Variants in PHKA2 observed in about 807,000 individuals in gnomAD.
PHKA2 encodes phosphorylase b kinase regulatory subunit alpha, liver isoform.
In PHKA2, 31 loss-of-function variants were observed where a neutral mutation model predicts 102.0. That is an observed-to-expected ratio of 0.30 (90% CI 0.23 to 0.41). The LOEUF is 0.41. Among genes scored for constraint, PHKA2 ranks in the 10% least tolerant of loss-of-function variants. The probability of loss-of-function intolerance (pLI) is 1.00; values close to 1 mark genes in which losing one functional copy is unlikely to be tolerated. For missense variants in PHKA2, 858 were observed against 1,023.1 expected, an observed-to-expected ratio of 0.84 and a Z score of 2.20; for synonymous variants, 455 against 416.2, an observed-to-expected ratio of 1.09 and a Z score of -1.13.
At chrX:18,920,287 T>G in intron 17 of PHKA2, 86 bp from the exon 18 acceptor site, 1 of 563,336 alleles carries the variant, frequency 1.8e-6, no homozygotes, top group Non-Finnish European at 3.2e-6. Context: ...TGCACAACCA[T>G]GTGGTGCTTC....
At chrX:18,964,900 G>A (rs755526961) in intron 1 of PHKA2, among the ~76,000 whole-genome samples, 6 of 112,331 alleles carry the variant, frequency 5.3e-5, no homozygotes, top group African/African-American at 1.9e-4. Flanking sequence ...TCACAGGTGT[G>A]CAATTCTCAC....
In PHKA2 at chrX:18,904,013, G is replaced by A. The variant is rs774098749; in HGVS notation, c.2908+1745C>T. On this transcript the variant is annotated intron_variant, in intron 26 of 32. Coordinates refer to ENST00000379942, the MANE Select transcript of PHKA2 (RefSeq NM_000292.3). ...GCTGGAAGGCCAGGCCCAGCTCAAA[G>A]GTCACCTCCTCGGGCAGCATCCCCT... Among the ~76,000 whole-genome samples, 79 of 112,095 alleles carry A rather than the reference G, an allele frequency of 7.0e-4. 1 individual carries two copies. Among genetic ancestry groups the A allele is most frequent in the African/African-American group, 2.5e-3 (78 of 30,856 alleles).
intron 19 of PHKA2, among the ~76,000 whole-genome samples, chrX:18,913,558 T>C (rs1057488223): frequency 9.2e-6 from 1 of 109,170 alleles, no homozygotes; most frequent in Non-Finnish European, 1.9e-5. Context: ...GGTGTGTGCC[T>C]CCACGCCCAG....
At chrX:18,957,709 A>AT (rs1195818449) in intron 1 of PHKA2, among the ~76,000 whole-genome samples, 2 of 103,137 alleles carry the variant, frequency 1.9e-5, no homozygotes, top group Non-Finnish European at 3.9e-5. Flanking sequence ...TCATATATAC[A>AT]TTTTTTCCTA....
intron 1 of PHKA2, among the ~76,000 whole-genome samples, chrX:18,978,557 C>A (rs1003235245): frequency 9.1e-6 from 1 of 109,427 alleles, no homozygotes; most frequent in African/African-American, 3.3e-5. Flanking sequence ...ACTAAAAATA[C>A]AAAAAATTAG....
Position 18,895,134 on chromosome X carries a change from G to C in PHKA2, c.3336+4C>G, listed in dbSNP as rs931311426. The C allele has an allele frequency of 7.4e-6, 9 of 1,209,850 alleles. No homozygotes were observed. Among genetic ancestry groups the C allele is most frequent in the Non-Finnish European group, 1.0e-5 (9 of 893,817 alleles). ...GGCCCGCCTCTGCGTTTTTCTCATCGTACCTCTCGGGTCGTCGAGGATGGG... is the reference window on the plus strand; with the variant it reads ...GGCCCGCCTCTGCGTTTTTCTCATCCTACCTCTCGGGTCGTCGAGGATGGG... On this transcript the variant is annotated splice_donor_region_variant and intron_variant, in intron 31 of 32. Transcript: ENST00000379942.
At chrX:18,979,106 A>G (rs1323745078) in intron 1 of PHKA2, among the ~76,000 whole-genome samples, 3 of 112,047 alleles carry the variant, frequency 2.7e-5, no homozygotes, top group African/African-American at 9.7e-5. Flanking sequence ...ACCGCACTCC[A>G]ACCTGGGCAA....
intron 1 of PHKA2, among the ~76,000 whole-genome samples, chrX:18,968,443 T>C (rs181970179): frequency 9.3e-6 from 1 of 108,028 alleles, no homozygotes; most frequent in African/African-American, 3.6e-5. Flanking sequence ...CTATTTTAAG[T>C]CTTTTTGGAT....
At chrX:18,912,192 C>A (rs2047938344) in intron 19 of PHKA2, among the ~76,000 whole-genome samples, 1 of 112,069 alleles carries the variant, frequency 8.9e-6, no homozygotes, top group Non-Finnish European at 1.9e-5. Flanking sequence ...TAATTCCTTC[C>A]AACCCTCCAC....
intron 12 of PHKA2, among the ~76,000 whole-genome samples, chrX:18,929,738 C>T (rs1053418288): frequency 8.9e-6 from 1 of 111,885 alleles, no homozygotes; most frequent in Non-Finnish European, 1.9e-5. Context: ...TTTCCTCTGA[C>T]CTTCTCCTGC....
At chrX:18,927,014 G>A (rs1249698668) in intron 13 of PHKA2, among the ~76,000 whole-genome samples, 3 of 111,734 alleles carry the variant, frequency 2.7e-5, no homozygotes, top group Non-Finnish European at 5.6e-5. Flanking sequence ...CCCAAAGGAC[G>A]GGGGAAAGAA....
chrX:18,955,251 A>G (rs963707076), intron 1 of PHKA2, among the ~76,000 whole-genome samples: 9 of 112,339 alleles, frequency 8.0e-5, no homozygotes, highest in Admixed American at 7.6e-4. Flanking sequence ...CAAAGGCTAC[A>G]TAGTGTGTGA....
chrX:18,937,064 T>C (rs1313919866), intron 10 of PHKA2, among the ~76,000 whole-genome samples: 1 of 111,434 alleles, frequency 9.0e-6, no homozygotes, highest in Non-Finnish European at 1.9e-5. Flanking sequence ...TGGGGAAATA[T>C]TAACATTTCC....
intron 10 of PHKA2, 65 bp from the exon 11 acceptor site, chrX:18,936,215 G>T: frequency 1.3e-6 from 1 of 756,877 alleles, no homozygotes; most frequent in Non-Finnish European, 2.0e-6. Flanking sequence ...TAACAGCGGT[G>T]CAACATAGAA....
intron 19 of PHKA2, among the ~76,000 whole-genome samples, chrX:18,911,226 T>C (rs1040432741): frequency 9.6e-5 from 10 of 104,087 alleles, no homozygotes; most frequent in Non-Finnish European, 2.0e-4. Context: ...CAGGTTGGAG[T>C]GCGATGGCGA....
At chrX:18,935,608 CT>C (rs530662548) in intron 11 of PHKA2, among the ~76,000 whole-genome samples, 3,725 of 100,789 alleles carry the variant, frequency 0.037, 79 homozygotes, top group Middle Eastern at 0.11. Context: ...CTACCTAAGG[CT>C]TTTTTTTTTT....
intron 1 of PHKA2, among the ~76,000 whole-genome samples, chrX:18,956,389 G>C (rs988550977): frequency 1.8e-5 from 2 of 111,749 alleles, no homozygotes; most frequent in African/African-American, 6.5e-5. Context: ...GCCGGGGACA[G>C]GGAAACATCA....
chrX:18,952,482 G>A lies in PHKA2; in HGVS notation c.285+12C>T, dbSNP rs765795350. Reference sequence around the variant, plus strand: ...TGCCCACTTGGCAAACACGTGTGTGGGTTCTGCCTACCTGTCTCATCATGC... The same window carrying A: ...TGCCCACTTGGCAAACACGTGTGTGAGTTCTGCCTACCTGTCTCATCATGC... On this transcript the variant is annotated intron_variant, in intron 3 of 32. Transcript: ENST00000379942. 69 of 1,202,327 alleles carry A rather than the reference G, an allele frequency of 5.7e-5. No homozygotes were observed. Among genetic ancestry groups the A allele is most frequent in the Non-Finnish European group, 7.8e-5 (69 of 887,947 alleles).
intron 5 of PHKA2, 82 bp downstream of exon 5, chrX:18,948,661 AG>A (rs2048626910): frequency 1.6e-6 from 1 of 640,075 alleles, no homozygotes; most frequent in Non-Finnish European, 2.6e-6. Context: ...AGCCCCAAAC[AG>A]CCTGGCCCTC....
Sources: allele counts gnomAD v4.1 joint callset (sites outside exome capture counted in the v4.1 genomes callset), GRCh38; gene constraint gnomAD v4.1.1; transcripts MANE v1.5; gene names NCBI Gene and HGNC (gene_info 2026-07-23, HGNC 2026-07-21).